SEMA5A: variants seen among roughly 807,000 people sequenced by gnomAD.
SEMA5A encodes semaphorin 5A.
In SEMA5A, 55 loss-of-function variants were observed where a neutral mutation model predicts 135.5. The observed-to-expected ratio is 0.41, with a 90% CI of 0.33 to 0.51. The LOEUF (loss-of-function observed/expected upper bound fraction) is 0.51. SEMA5A is among the 20% of genes least tolerant of loss of function. SEMA5A has a pLI of 0.37. For synonymous variants in SEMA5A, 580 were observed against 546.5 expected (o/e 1.06, Z -0.85); for missense variants, 1,290 against 1,419.9 (o/e 0.91, Z 1.47).
chr5:9,326,127 C>T (rs1261973079), intron 4 of SEMA5A, among the ~76,000 whole-genome samples: 2 of 152,232 alleles, frequency 1.3e-5, no homozygotes, highest in African/African-American at 4.8e-5. Flanking sequence ...GCACACAATA[C>T]TTTCCTCACT....
intron 1 of SEMA5A, among the ~76,000 whole-genome samples, chr5:9,530,838 C>A (rs1285652429): frequency 6.6e-6 from 1 of 152,146 alleles, no homozygotes; most frequent in Non-Finnish European, 1.5e-5. Context: ...AACCCCAACT[C>A]CTATGCTAAG....
At chr5:9,409,532 C>G (rs567622870) in intron 2 of SEMA5A, among the ~76,000 whole-genome samples, 1 of 152,042 alleles carries the variant, frequency 6.6e-6, no homozygotes, top group East Asian at 2.0e-4. Context: ...CAGCCCTGGG[C>G]TCCCCCTCCC....
intron 5 of SEMA5A, among the ~76,000 whole-genome samples, chr5:9,239,353 G>A (rs1412717865): frequency 6.6e-6 from 1 of 152,134 alleles, no homozygotes; most frequent in African/African-American, 2.4e-5. Flanking sequence ...AGCATCTGAT[G>A]CAAACACATG....
chr5:9,537,379 A>G (rs899385678), intron 1 of SEMA5A, among the ~76,000 whole-genome samples: 3 of 152,232 alleles, frequency 2.0e-5, no homozygotes, highest in Non-Finnish European at 2.9e-5. Context: ...AATCTAGAGA[A>G]CATTAGCTTG....
At chr5:9,228,739 C>T (rs370267114) in intron 6 of SEMA5A, among the ~76,000 whole-genome samples, 4 of 152,180 alleles carry the variant, frequency 2.6e-5, no homozygotes, top group South Asian at 2.1e-4. Context: ...GTCAATTGCA[C>T]GCCATGGCGA....
At chr5:9,197,582 T>G (rs960206328) in intron 9 of SEMA5A, among the ~76,000 whole-genome samples, 2 of 152,168 alleles carry the variant, frequency 1.3e-5, no homozygotes, top group African/African-American at 4.8e-5. Flanking sequence ...AAGAGGGAAT[T>G]TGAAGAGCTA....
intron 16 of SEMA5A, among the ~76,000 whole-genome samples, chr5:9,095,434 T>G (rs1180729848): frequency 6.6e-6 from 1 of 152,224 alleles, no homozygotes; most frequent in African/African-American, 2.4e-5. Flanking sequence ...GCCGCTGTTG[T>G]GCCCTTTCTC....
chr5:9,440,575 C>T (rs886986053), intron 1 of SEMA5A, among the ~76,000 whole-genome samples: 5 of 152,186 alleles, frequency 3.3e-5, no homozygotes, highest in Admixed American at 1.3e-4. Context: ...ACTATCTTGA[C>T]GACACTTTTG....
intron 3 of SEMA5A, among the ~76,000 whole-genome samples, chr5:9,341,203 C>T (rs981712419): frequency 1.4e-5 from 2 of 143,308 alleles, no homozygotes; most frequent in African/African-American, 2.9e-5. Flanking sequence ...CACACACACA[C>T]ATACACACAC....
chr5:9,399,995 C>T (rs1308862966), intron 2 of SEMA5A, among the ~76,000 whole-genome samples: 2 of 152,192 alleles, frequency 1.3e-5, no homozygotes, highest in African/African-American at 4.8e-5. Flanking sequence ...AGGATGACTT[C>T]ATATCCTTTG....
At chr5:9,531,130 T>G (rs1441372914) in intron 1 of SEMA5A, among the ~76,000 whole-genome samples, 1 of 152,212 alleles carries the variant, frequency 6.6e-6, no homozygotes, top group Non-Finnish European at 1.5e-5. Context: ...GGAGTCCTTG[T>G]GAGACCTCGA....
At chr5:9,345,386 A>G (rs1753815945) in intron 3 of SEMA5A, among the ~76,000 whole-genome samples, 1 of 152,176 alleles carries the variant, frequency 6.6e-6, no homozygotes, top group Non-Finnish European at 1.5e-5. Context: ...CTTGGTCACC[A>G]GCTGCCTCCC....
intron 1 of SEMA5A, among the ~76,000 whole-genome samples, chr5:9,468,362 T>C (rs1759342953): frequency 6.6e-6 from 1 of 152,198 alleles, no homozygotes; most frequent in Non-Finnish European, 1.5e-5. Flanking sequence ...CCAGCTTCCC[T>C]AGGGCTCCTC....
chr5:9,373,982 G>A (rs551534407), intron 3 of SEMA5A, among the ~76,000 whole-genome samples: 10 of 152,314 alleles, frequency 6.6e-5, no homozygotes, highest in African/African-American at 2.4e-4. Flanking sequence ...ATGGTTTTGA[G>A]ACTCAGTAAG....
At chr5:9,105,756 C>A (rs1387123683) in intron 16 of SEMA5A, among the ~76,000 whole-genome samples, 2 of 152,176 alleles carry the variant, frequency 1.3e-5, no homozygotes, top group African/African-American at 4.8e-5. Context: ...CACTTCATGT[C>A]TCAAAAATCA....
In SEMA5A at chr5:9,047,276, G is replaced by A. The variant is rs185658375; in HGVS notation, c.2894-2692C>T. 1.6e-4 allele frequency among the ~76,000 whole-genome samples: 25 copies of A among 152,330 alleles called. No individual in the cohort carries two copies. In the East Asian group the frequency reaches 4.2e-3, roughly 26 times the overall value. ...AGATGCATGATAGTCTCCATATGCA[G>A]ATACTGTGTCATTAGTCAAATGAAT... On this transcript the variant is annotated intron_variant, in intron 21 of 22. Transcript: ENST00000382496.
At chr5:9,411,287 T>C (rs983123584) in intron 2 of SEMA5A, among the ~76,000 whole-genome samples, 1 of 152,184 alleles carries the variant, frequency 6.6e-6, no homozygotes, top group South Asian at 2.1e-4. Context: ...TGGGCTCAAG[T>C]AGACAAATAG....
chr5:9,099,832 T>C (rs563007745), intron 16 of SEMA5A, among the ~76,000 whole-genome samples: 6 of 152,174 alleles, frequency 3.9e-5, no homozygotes, highest in Non-Finnish European at 7.4e-5. Flanking sequence ...CTCCCTGCTT[T>C]GCTCCTGTCC....
intron 2 of SEMA5A, among the ~76,000 whole-genome samples, chr5:9,432,141 G>A (rs989544205): frequency 1.1e-4 from 16 of 149,824 alleles, no homozygotes. Flanking sequence ...TTGGTAAGCG[G>A]AGTGAAATGC....
Sources: allele counts gnomAD v4.1 joint callset (sites outside exome capture counted in the v4.1 genomes callset), GRCh38; gene constraint gnomAD v4.1.1; transcripts MANE v1.5; gene names NCBI Gene and HGNC (gene_info 2026-07-23, HGNC 2026-07-21).